Variants in DNER observed in about 807,000 individuals in gnomAD.
DNER encodes delta/notch like EGF repeat containing.
Under a neutral mutation model 78.2 loss-of-function variants are expected in DNER, and 33 were observed. The observed-to-expected ratio is 0.42, with a 90% CI of 0.32 to 0.56. The LOEUF is 0.56. Ranked by LOEUF, DNER falls within the 20% of genes least tolerant of loss-of-function variation. The pLI is 0.11. For missense variants in DNER, 918 were observed against 975.3 expected, an observed-to-expected ratio of 0.94 and a Z score of 0.78; for synonymous variants, 417 against 384.8, an observed-to-expected ratio of 1.08 and a Z score of -0.98.
At chr2:229,673,251 A>G (rs1209487824) in intron 1 of DNER, among the ~76,000 whole-genome samples, 5 of 152,292 alleles carry the variant, frequency 3.3e-5, no homozygotes, top group East Asian at 3.9e-4. Flanking sequence ...GTGCCTGGCA[A>G]TTGGTAGGTA....
intron 7 of DNER, among the ~76,000 whole-genome samples, chr2:229,459,437 G>C (rs967140190): frequency 6.6e-6 from 1 of 152,066 alleles, no homozygotes; most frequent in African/African-American, 2.4e-5. Flanking sequence ...AAAAGTAATA[G>C]AAAAATTTTA....
At chr2:229,515,390 C>A (rs934980101) in intron 5 of DNER, among the ~76,000 whole-genome samples, 3 of 152,142 alleles carry the variant, frequency 2.0e-5, no homozygotes, top group Admixed American at 2.0e-4. Flanking sequence ...ATGCTGTGCA[C>A]GCCCAGTGCA....
intron 9 of DNER, among the ~76,000 whole-genome samples, chr2:229,411,365 T>C (rs549088651): frequency 6.6e-6 from 1 of 152,266 alleles, no homozygotes; most frequent in South Asian, 2.1e-4. Flanking sequence ...GAGACCAGCC[T>C]GGCCAACATG....
chr2:229,633,417 T>C (rs1193489238), intron 1 of DNER, among the ~76,000 whole-genome samples: 2 of 152,264 alleles, frequency 1.3e-5, no homozygotes, highest in Non-Finnish European at 2.9e-5. Context: ...GGGTCATGGA[T>C]ATTTTTCTCT....
rs528937928 is a variant in DNER, at chr2:229,459,464, T to C, written c.1262-11924A>G. Among the ~76,000 whole-genome samples the C allele has an allele frequency of 9.2e-5, 14 of 152,266 alleles. No homozygotes were observed. In the South Asian group the frequency reaches 2.9e-3, roughly 32 times the overall value. ...AAAATTTTATTGAGTTCTTACTACATACGGGACATTATGCCGAGCAATTGG... is the reference window on the plus strand; with the variant it reads ...AAAATTTTATTGAGTTCTTACTACACACGGGACATTATGCCGAGCAATTGG... On this transcript the variant is annotated intron_variant, in intron 7 of 12. Transcript: ENST00000341772.
chr2:229,656,896 T>C (rs1398457210), intron 1 of DNER, among the ~76,000 whole-genome samples: 4 of 152,152 alleles, frequency 2.6e-5, no homozygotes, highest in Non-Finnish European at 4.4e-5. Context: ...ATATTTGAAG[T>C]ATACGACATA....
At chr2:229,430,046 A>G (rs1230370515) in intron 8 of DNER, among the ~76,000 whole-genome samples, 1 of 152,248 alleles carries the variant, frequency 6.6e-6, no homozygotes, top group African/African-American at 2.4e-5. Context: ...TTTGCTAGAA[A>G]AATAGAATCA....
chr2:229,584,087 G>A (rs1044512466), intron 4 of DNER, among the ~76,000 whole-genome samples: 5 of 152,074 alleles, frequency 3.3e-5, no homozygotes, highest in African/African-American at 2.4e-5. Flanking sequence ...TATGATATTT[G>A]CATCATATTT....
At chr2:229,549,401 G>A (rs980004773) in intron 4 of DNER, among the ~76,000 whole-genome samples, 1 of 152,142 alleles carries the variant, frequency 6.6e-6, no homozygotes, top group Non-Finnish European at 1.5e-5. Context: ...CGACTCCAGG[G>A]TTCACATGAT....
chr2:229,655,577 C>A (rs928677651), intron 1 of DNER, among the ~76,000 whole-genome samples: 3 of 152,050 alleles, frequency 2.0e-5, no homozygotes, highest in Admixed American at 2.0e-4. Context: ...TTAAAAAGAA[C>A]TTGGTTGAAT....
chr2:229,655,862 C>T (rs1292442076), intron 1 of DNER, among the ~76,000 whole-genome samples: 3 of 152,052 alleles, frequency 2.0e-5, no homozygotes, highest in Non-Finnish European at 4.4e-5. Context: ...GAAACAGACA[C>T]AGCAACACAG....
chr2:229,598,724 T>G (rs376533482), intron 1 of DNER, among the ~76,000 whole-genome samples: 1 of 150,942 alleles, frequency 6.6e-6, no homozygotes, highest in African/African-American at 2.4e-5. Flanking sequence ...CAAGAAGAGG[T>G]GGTCTGGGAG....
intron 6 of DNER, among the ~76,000 whole-genome samples, chr2:229,506,878 T>C (rs1250740995): frequency 6.6e-6 from 1 of 152,196 alleles, no homozygotes; most frequent in Non-Finnish European, 1.5e-5. Context: ...ATTACAATCA[T>C]GCATTGCGTA....
At chr2:229,618,529 G>T (rs780301383) in intron 1 of DNER, among the ~76,000 whole-genome samples, 14 of 152,158 alleles carry the variant, frequency 9.2e-5, no homozygotes, top group Non-Finnish European at 1.9e-4. Flanking sequence ...ATGTGATGTA[G>T]CTCGCCACGC....
At chr2:229,536,251 A>T (rs1696402525) in intron 5 of DNER, among the ~76,000 whole-genome samples, 1 of 152,224 alleles carries the variant, frequency 6.6e-6, no homozygotes. Flanking sequence ...TCAGATAAGC[A>T]GGGAGGTCAG....
At chr2:229,388,608 T>TAC in intron 10 of DNER, among the ~76,000 whole-genome samples, 1 of 53,708 alleles carries the variant, frequency 1.9e-5, no homozygotes, top group Non-Finnish European at 3.3e-5. Context: ...TATATATATA[T>TAC]ATATATATAT....
At chr2:229,441,958 C>T (rs1167353692) in intron 8 of DNER, among the ~76,000 whole-genome samples, 1 of 152,094 alleles carries the variant, frequency 6.6e-6, no homozygotes, top group African/African-American at 2.4e-5. Flanking sequence ...TGTCAATATA[C>T]AGATTTAAAC....
intron 8 of DNER, among the ~76,000 whole-genome samples, chr2:229,438,966 G>T (rs527448577): frequency 4.6e-5 from 7 of 152,318 alleles, no homozygotes; most frequent in East Asian, 3.9e-4. Context: ...GGCTCCAGCA[G>T]GTCCCAATTG....
At chr2:229,421,209 T>C (rs1290095814) in intron 8 of DNER, among the ~76,000 whole-genome samples, 1 of 152,140 alleles carries the variant, frequency 6.6e-6, no homozygotes, top group African/African-American at 2.4e-5. Context: ...ATATGATGTA[T>C]TTTTAAAATA....
Sources: allele counts gnomAD v4.1 joint callset (sites outside exome capture counted in the v4.1 genomes callset), GRCh38; gene constraint gnomAD v4.1.1; transcripts MANE v1.5; gene names NCBI Gene and HGNC (gene_info 2026-07-23, HGNC 2026-07-21).